Variants in LYNX1 observed in about 807,000 individuals in gnomAD.
LYNX1 encodes ly-6/neurotoxin-like protein 1.
In LYNX1, 8 loss-of-function variants were observed where a neutral mutation model predicts 8.3. The ratio of observed to expected loss-of-function variants is 0.97; its 90% confidence interval spans 0.57 to 1.74. LYNX1 has a LOEUF of 1.74. LYNX1 is among the 40% of genes most tolerant of loss of function. The pLI, the probability that LYNX1 is intolerant of heterozygous loss-of-function variation, is 0.00. For missense variants in LYNX1, 158 were observed against 159.7 expected (o/e 0.99, Z 0.06); for synonymous variants, 73 against 67.9 (o/e 1.08, Z -0.37).
chr8:142,776,705 G>A (rs568780680), intron 1 of LYNX1: 1 of 152,470 alleles, frequency 6.6e-6, no homozygotes, highest in South Asian at 2.1e-4. Flanking sequence ...TGCCCAGCTT[G>A]GGGGGAATGC....
Position 142,771,649 on chromosome 8 carries a change from G to C in LYNX1, c.*3518C>G, listed in dbSNP as rs964339774. On this transcript the variant is annotated 3_prime_UTR_variant, in exon 4 of 4. Transcript: ENST00000652477. ...GAGAGCAGACCACCCAGAGTAGTGG[G>C]AGAAAGCACCGGCAGAAAAGCTGGC... 1.0e-6 allele frequency: 1 copy of C among 985,718 alleles called. No individual in the cohort carries two copies. Among genetic ancestry groups the C allele is most frequent in the African/African-American group, 1.7e-5 (1 of 57,238 alleles). 61.1% of individuals were successfully genotyped at this position (985,718 alleles called of 1,614,324 possible). A position where few individuals can be genotyped will look rare whatever the true frequency, so the allele number is the denominator to read the frequency against.
Position 142,771,457 on chromosome 8 carries a change from G to T in LYNX1, c.*3710C>A, listed in dbSNP as rs963039994. ...GAAGCTCAGGGCTGGGCGGAAGCTG[G>T]CAGGGCTGTCCACAGGGAGGACCCC... On this transcript the variant is annotated 3_prime_UTR_variant, in exon 4 of 4. Transcript: ENST00000652477. 1 of 985,342 alleles carries T rather than the reference G, an allele frequency of 1.0e-6. No individual in the cohort carries two copies. Among genetic ancestry groups the T allele is most frequent in the African/African-American group, 1.7e-5 (1 of 57,216 alleles). 61.0% of individuals were successfully genotyped at this position (985,342 alleles called of 1,614,324 possible). A position where few individuals can be genotyped will look rare whatever the true frequency, so the allele number is the denominator to read the frequency against.
upstream of LYNX1, chr8:142,777,614 G>A (rs1050961271): frequency 1.9e-4 from 76 of 391,916 alleles, 2 homozygotes; most frequent in African/African-American, 1.6e-3. Context: ...CCGCCGAGCC[G>A]AGTTCACCGC....
chr8:142,771,898 G>A lies in LYNX1; in HGVS notation c.*3269C>T. 4.1e-6 allele frequency: 4 copies of A among 985,974 alleles called. No individual in the cohort carries two copies. The highest frequency in any genetic ancestry group is 4.8e-6 in the Non-Finnish European group (4 of 830,036). 61.1% of individuals were successfully genotyped at this position (985,974 alleles called of 1,614,324 possible). A position where few individuals can be genotyped will look rare whatever the true frequency, so the allele number is the denominator to read the frequency against. ...AGGACAGACCAGAGCTCCTGCTGGAGCCGGGTGTCCCCATGCTGACCTGGC... is the reference window on the plus strand; with the variant it reads ...AGGACAGACCAGAGCTCCTGCTGGAACCGGGTGTCCCCATGCTGACCTGGC... On this transcript the variant is annotated 3_prime_UTR_variant, in exon 4 of 4. Transcript: ENST00000652477.
chr8:142,771,613 G>A lies in LYNX1; in HGVS notation c.*3554C>T. On this transcript the variant is annotated 3_prime_UTR_variant, in exon 4 of 4. Coordinates refer to ENST00000652477, the MANE Select transcript of LYNX1 (RefSeq NM_177477.4). ...GATTCAGGCCCTCCCTGCGAGCTGA[G>A]GTTTGAAGAGGAGAGCAGACCACCC... 2 of 985,762 alleles carry A rather than the reference G, an allele frequency of 2.0e-6. No homozygotes were observed. The highest frequency in any genetic ancestry group is 2.4e-6 in the Non-Finnish European group (2 of 829,988). The allele number at this position is 985,762 out of a possible 1,614,324, so 61.1% of individuals were successfully genotyped here. A position where few individuals can be genotyped will look rare whatever the true frequency, so the allele number is the denominator to read the frequency against.
rs1382787242 is a variant in LYNX1, at chr8:142,772,063, A to G, written c.*3104T>C. ...CACTCCTGTCCAGTTCCCAGAATGT[A>G]TAACATCCCAGGGTGCCAGAGCCCG... On this transcript the variant is annotated 3_prime_UTR_variant, in exon 4 of 4. Coordinates refer to ENST00000652477, the MANE Select transcript of LYNX1 (RefSeq NM_177477.4). 1.0e-6 allele frequency: 1 copy of G among 986,494 alleles called. No homozygotes were observed. The highest frequency in any genetic ancestry group is 1.2e-6 in the Non-Finnish European group (1 of 830,304). 61.1% of individuals were successfully genotyped at this position (986,494 alleles called of 1,614,324 possible).
Position 142,771,449 on chromosome 8 carries a change from G to A in LYNX1, c.*3718C>T, listed in dbSNP as rs953083671. 132 of 985,428 alleles carry A rather than the reference G, an allele frequency of 1.3e-4. No homozygotes were observed. In the African/African-American group the frequency reaches 1.6e-3, roughly 12 times the overall value. The allele number at this position is 985,428 out of a possible 1,614,324, so 61.0% of individuals were successfully genotyped here. A position where few individuals can be genotyped will look rare whatever the true frequency, so the allele number is the denominator to read the frequency against. ...ATGCAAATGAAGCTCAGGGCTGGGC[G>A]GAAGCTGGCAGGGCTGTCCACAGGG... On this transcript the variant is annotated 3_prime_UTR_variant, in exon 4 of 4. Transcript: ENST00000652477.
intron 3 of LYNX1, 104 bp downstream of exon 3, chr8:142,775,489 G>A (rs1815374829): frequency 6.4e-7 from 1 of 1,556,760 alleles, no homozygotes; most frequent in Admixed American, 1.9e-5. Flanking sequence ...CAGGATCCGG[G>A]AACAGGAGAG....
chr8:142,777,019 C>G (rs935153180), intron 1 of LYNX1, 87 bp downstream of exon 1: 16 of 152,370 alleles, frequency 1.1e-4, no homozygotes, highest in African/African-American at 3.6e-4. Context: ...TTCCCAACCC[C>G]CTCACGGAGA....
intron 1 of LYNX1, chr8:142,776,391 G>A (rs1450513759): frequency 4.2e-6 from 1 of 236,560 alleles, no homozygotes; most frequent in African/African-American, 2.2e-5. Context: ...GCTAGAGAAG[G>A]AGTAGGGATG....
upstream of LYNX1, chr8:142,777,748 C>T: frequency 5.0e-6 from 2 of 397,772 alleles, no homozygotes; most frequent in Non-Finnish European, 8.9e-6. Flanking sequence ...CCTGGCGACC[C>T]TCAGACTCAC....
At chr8:142,776,192 T>G in intron 1 of LYNX1, 71 bp from the exon 2 acceptor site, 1 of 569,220 alleles carries the variant, frequency 1.8e-6, no homozygotes, top group South Asian at 2.0e-5. Flanking sequence ...TGGGCAGGGA[T>G]GATGGTGGGC....
chr8:142,775,578 G>A lies in LYNX1; in HGVS notation c.154+15C>T, dbSNP rs762203381. On this transcript the variant is annotated intron_variant, in intron 3 of 3. Coordinates refer to ENST00000652477, the MANE Select transcript of LYNX1 (RefSeq NM_177477.4). Reference sequence around the variant, plus strand: ...GTGCTCCCCAGGCAGGGCCACGCAGGGCCCCCAGACTCACAGGTGCGCGTG... The same window carrying A: ...GTGCTCCCCAGGCAGGGCCACGCAGAGCCCCCAGACTCACAGGTGCGCGTG... 14 of 1,577,696 alleles carry A rather than the reference G, an allele frequency of 8.9e-6. No individual in the cohort carries two copies. Among genetic ancestry groups the A allele is most frequent in the East Asian group, 2.3e-5 (1 of 42,860 alleles).
At position 142,771,534 on chromosome 8, in the gene LYNX1, G is replaced by A. The variant is rs1815177091; in HGVS notation, c.*3633C>T. Reference sequence around the variant, plus strand: ...GCTCTGTCCACCCTTCTGTCTGGGAGGCTCCTTAAGGCTGGGGAGGGCCCA... The same window carrying A: ...GCTCTGTCCACCCTTCTGTCTGGGAAGCTCCTTAAGGCTGGGGAGGGCCCA... On this transcript the variant is annotated 3_prime_UTR_variant, in exon 4 of 4. Coordinates refer to ENST00000652477, the MANE Select transcript of LYNX1 (RefSeq NM_177477.4). 1 of 985,310 alleles carries A rather than the reference G, an allele frequency of 1.0e-6. No individual in the cohort carries two copies. Among genetic ancestry groups the A allele is most frequent in the African/African-American group, 1.7e-5 (1 of 57,210 alleles). The allele number at this position is 985,310 out of a possible 1,614,324, so 61.0% of individuals were successfully genotyped here. A position where few individuals can be genotyped will look rare whatever the true frequency, so the allele number is the denominator to read the frequency against.
rs1271472052 is a variant in LYNX1, at chr8:142,773,990, C to T, written c.*1177G>A. The T allele has an allele frequency of 1.0e-6, 1 of 985,332 alleles. No individual in the cohort carries two copies. The highest frequency in any genetic ancestry group is 1.2e-6 in the Non-Finnish European group (1 of 829,932). The allele number at this position is 985,332 out of a possible 1,614,324, so 61.0% of individuals were successfully genotyped here. On this transcript the variant is annotated 3_prime_UTR_variant, in exon 4 of 4. Coordinates refer to ENST00000652477, the MANE Select transcript of LYNX1 (RefSeq NM_177477.4). Reference sequence around the variant, plus strand: ...ATGGATTGGTGCGTGTTGGGCTGACCCCTGCTTCCCAGGCCTGGGGTGGGG... The same window carrying T: ...ATGGATTGGTGCGTGTTGGGCTGACTCCTGCTTCCCAGGCCTGGGGTGGGG...
chr8:142,776,127 C>T lies in LYNX1; in HGVS notation c.-164-6G>A. 2.7e-6 allele frequency: 2 copies of T among 731,994 alleles called. No homozygotes were observed. The allele number at this position is 731,994 out of a possible 1,614,324, so 45.3% of individuals were successfully genotyped here. A position where few individuals can be genotyped will look rare whatever the true frequency, so the allele number is the denominator to read the frequency against. On this transcript the variant is annotated splice_polypyrimidine_tract_variant and splice_region_variant and intron_variant, in intron 1 of 3. Transcript: ENST00000652477. Reference sequence around the variant, plus strand: ...CTACTGGGAGTGCTGCAACCCTGCACAGCAGGTGGCAAAGACAGGTGGTCA... The same window carrying T: ...CTACTGGGAGTGCTGCAACCCTGCATAGCAGGTGGCAAAGACAGGTGGTCA...
In LYNX1 at chr8:142,774,725, C is replaced by CG; in HGVS notation, c.*441_*442insC. On this transcript the variant is annotated 3_prime_UTR_variant, in exon 4 of 4. Transcript: ENST00000652477. ...GAAGCGTGACTAGGCCTGGAGGAGC[C>CG]TTTCCTCCTAAGAGTCTCCCCACCA... 2 of 1,012,302 alleles carry CG rather than the reference C, an allele frequency of 2.0e-6. No individual in the cohort carries two copies. The highest frequency in any genetic ancestry group is 5.3e-5 in the Admixed American group (1 of 18,858). 62.7% of individuals were successfully genotyped at this position (1,012,302 alleles called of 1,614,324 possible). A position where few individuals can be genotyped will look rare whatever the true frequency, so the allele number is the denominator to read the frequency against.
Position 142,775,270 on chromosome 8 carries a change from G to A in LYNX1, c.248C>T (p.Thr83Ile), listed in dbSNP as rs1046598021. 13 of 1,613,888 alleles carry A rather than the reference G, an allele frequency of 8.1e-6. No homozygotes were observed. In the East Asian group the frequency reaches 2.9e-4, roughly 36 times the overall value. ...GCAGAGGTCGTACTGGCAGCAGGAG[G>A]TGGTGGACGCGTGCTTGGAGTAGCC... Reference protein sequence around the residue: ...YDGYSKHASTTSCCQYDLCNG... With the variant: ...YDGYSKHASTISCCQYDLCNG... The change falls in exon 4 of 4, where the codon ACC (threonine) becomes ATC (isoleucine). Residue 83 changes from threonine to isoleucine, a missense_variant. Coordinates refer to ENST00000652477, the MANE Select transcript of LYNX1 (RefSeq NM_177477.4).
chr8:142,774,943 C>T lies in LYNX1; in HGVS notation c.*224G>A. ...CGAGGGGCTGATCAGCCCATCAAAG[C>T]CGGACACTTTTGGGATCCCACACAG... On this transcript the variant is annotated 3_prime_UTR_variant, in exon 4 of 4. Coordinates refer to ENST00000652477, the MANE Select transcript of LYNX1 (RefSeq NM_177477.4). The T allele has an allele frequency of 1.4e-6, 2 of 1,423,218 alleles. No individual in the cohort carries two copies. The highest frequency in any genetic ancestry group is 2.5e-5 in the East Asian group (1 of 39,620). The allele number at this position is 1,423,218 out of a possible 1,614,324, so 88.2% of individuals were successfully genotyped here. A position where few individuals can be genotyped will look rare whatever the true frequency, so the allele number is the denominator to read the frequency against.
Sources: allele counts gnomAD v4.1 joint callset, GRCh38; gene constraint gnomAD v4.1.1; transcripts MANE v1.5; gene names NCBI Gene and HGNC (gene_info 2026-07-23, HGNC 2026-07-21).